PTPRT: variants seen among roughly 807,000 people sequenced by gnomAD.
PTPRT encodes receptor-type tyrosine-protein phosphatase T.
A neutral mutation model predicts 176.8 loss-of-function variants in PTPRT; 56 were observed. The ratio of observed to expected loss-of-function variants is 0.32; its 90% CI spans 0.26 to 0.40. The LOEUF is 0.40. PTPRT is among the 10% of genes least tolerant of loss of function. The probability of loss-of-function intolerance (pLI) is 1.00; values close to 1 mark genes in which losing one functional copy is unlikely to be tolerated. For missense variants in PTPRT, 1,540 were observed against 1,908.2 expected (o/e 0.81, Z 3.60); for synonymous variants, 783 against 739.0 (o/e 1.06, Z -0.96).
intron 7 of PTPRT, among the ~76,000 whole-genome samples, chr20:42,523,821 T>A (rs2072220901): frequency 6.6e-6 from 1 of 152,004 alleles, no homozygotes; most frequent in Non-Finnish European, 1.5e-5. Context: ...TATATCTGCA[T>A]CTTTTAGTTA....
chr20:42,561,982 CT>C (rs1468551340), intron 7 of PTPRT, among the ~76,000 whole-genome samples: 3 of 152,192 alleles, frequency 2.0e-5, no homozygotes, highest in Non-Finnish European at 4.4e-5. Context: ...TTATTCTCCC[CT>C]GGCTCCAGCG....
intron 7 of PTPRT, among the ~76,000 whole-genome samples, chr20:42,528,647 T>A (rs2072321710): frequency 6.6e-6 from 1 of 152,122 alleles, no homozygotes; most frequent in African/African-American, 2.4e-5. Context: ...AGCCTCAGGA[T>A]AACCAATGCT....
chr20:42,354,471 T>A (rs1330933256), intron 9 of PTPRT, among the ~76,000 whole-genome samples: 2 of 152,174 alleles, frequency 1.3e-5, no homozygotes, highest in African/African-American at 4.8e-5. Context: ...TACTCTATAT[T>A]CTATACCACA....
intron 9 of PTPRT, among the ~76,000 whole-genome samples, chr20:42,399,234 G>A (rs1156478161): frequency 1.3e-5 from 2 of 152,090 alleles, no homozygotes; most frequent in Non-Finnish European, 2.9e-5. Flanking sequence ...AAAGGGGCAT[G>A]GGCATGGGCA....
At chr20:42,342,503 G>A (rs8117309) in intron 11 of PTPRT, among the ~76,000 whole-genome samples, 1,551 of 152,280 alleles carry the variant, frequency 0.01, 25 homozygotes, top group African/African-American at 0.036. Context: ...CCAGAGAACT[G>A]GGGAACTAAG....
Position 43,018,277 on chromosome 20 carries a change from T to C in PTPRT, c.89-132345A>G, listed in dbSNP as rs560018854. ...AAGCAACCCAATAACTCTGTGTTCA[T>C]TTTTTGGAAAACAACGTTCAGAGTT... On this transcript the variant is annotated intron_variant, in intron 1 of 30. Coordinates refer to ENST00000373187, the MANE Select transcript of PTPRT (RefSeq NM_007050.6). Among the ~76,000 whole-genome samples, 4 of 152,312 alleles carry C rather than the reference T, an allele frequency of 2.6e-5. No homozygotes were observed. In the East Asian group the frequency reaches 5.8e-4, roughly 22 times the overall value.
At chr20:42,933,640 T>A (rs1278747843) in intron 1 of PTPRT, among the ~76,000 whole-genome samples, 3 of 152,232 alleles carry the variant, frequency 2.0e-5, no homozygotes, top group Non-Finnish European at 4.4e-5. Context: ...CTCTTTGAAT[T>A]TCCAAACGCT....
intron 7 of PTPRT, among the ~76,000 whole-genome samples, chr20:42,504,901 T>G (rs926256748): frequency 6.6e-6 from 1 of 152,206 alleles, no homozygotes; most frequent in African/African-American, 2.4e-5. Context: ...TACTAGGCTC[T>G]GCAGGTCAGT....
intron 1 of PTPRT, among the ~76,000 whole-genome samples, chr20:42,925,659 A>G (rs1036006048): frequency 1.3e-5 from 2 of 152,162 alleles, no homozygotes; most frequent in Admixed American, 1.3e-4. Context: ...GGGTGAATCA[A>G]AATCACCTGG....
At chr20:42,453,837 AT>A (rs11482073) in intron 8 of PTPRT, among the ~76,000 whole-genome samples, 334 of 140,956 alleles carry the variant, frequency 2.4e-3, no homozygotes, top group East Asian at 2.9e-3. Context: ...CGCCCGGCTA[AT>A]TTTTTTTTTT....
intron 13 of PTPRT, among the ~76,000 whole-genome samples, chr20:42,262,125 T>G (rs1261519326): frequency 6.6e-6 from 1 of 152,204 alleles, no homozygotes; most frequent in Non-Finnish European, 1.5e-5. Flanking sequence ...TCCAGCCAAA[T>G]CCACCATGAA....
intron 11 of PTPRT, among the ~76,000 whole-genome samples, chr20:42,319,848 C>T (rs1350263525): frequency 2.6e-5 from 4 of 152,172 alleles, no homozygotes; most frequent in Non-Finnish European, 4.4e-5. Context: ...TGAATGACCT[C>T]CCTTTTGGGG....
At chr20:43,062,143 G>T (rs1029889326) in intron 1 of PTPRT, among the ~76,000 whole-genome samples, 1 of 152,190 alleles carries the variant, frequency 6.6e-6, no homozygotes, top group Non-Finnish European at 1.5e-5. Flanking sequence ...TAATGAAAAT[G>T]TTCTATGCCT....
intron 1 of PTPRT, among the ~76,000 whole-genome samples, chr20:43,023,586 T>G (rs1379718025): frequency 1.3e-5 from 2 of 152,226 alleles, no homozygotes; most frequent in Non-Finnish European, 2.9e-5. Flanking sequence ...GCTGGTTACT[T>G]GGCATCTCCT....
chr20:42,119,899 C>T (rs1275676198), intron 20 of PTPRT, 36 bp downstream of exon 20: 1 of 1,584,786 alleles, frequency 6.3e-7, no homozygotes, highest in Non-Finnish European at 8.6e-7. Context: ...ACCCCTGAAG[C>T]CTCTCTGAGG....
chr20:42,907,533 C>A (rs931616388), intron 1 of PTPRT, among the ~76,000 whole-genome samples: 5 of 151,902 alleles, frequency 3.3e-5, no homozygotes, highest in East Asian at 3.9e-4. Context: ...CAAAATGCCA[C>A]GAATTTATAC....
chr20:42,369,644 A>C (rs189497708), intron 9 of PTPRT, among the ~76,000 whole-genome samples: 12,110 of 152,194 alleles, frequency 0.08, 491 homozygotes, highest in Middle Eastern at 0.14. Flanking sequence ...CATCCTTTGA[A>C]GTGGGTGACA....
At position 42,133,795 on chromosome 20, in the gene PTPRT, T is replaced by C. The variant is rs569209226; in HGVS notation, c.2771-4965A>G. 2.1e-3 allele frequency among the ~76,000 whole-genome samples: 325 copies of C among 152,244 alleles called. 1 individual carries two copies. The highest frequency in any genetic ancestry group is 3.8e-3 in the Non-Finnish European group (257 of 67,998). On this transcript the variant is annotated intron_variant, in intron 18 of 30. Transcript: ENST00000373187. ...CAGTATGTGGGTGGGAGGGAGTACA[T>C]GGGAATGAGGTACTTTCTGCTCAAC...
intron 1 of PTPRT, among the ~76,000 whole-genome samples, chr20:42,985,369 C>T (rs1482509392): frequency 6.6e-6 from 1 of 152,078 alleles, no homozygotes; most frequent in Admixed American, 6.5e-5. Flanking sequence ...GTGGCTCGTG[C>T]CTGTAATCCC....
Sources: allele counts gnomAD v4.1 joint callset (sites outside exome capture counted in the v4.1 genomes callset), GRCh38; gene constraint gnomAD v4.1.1; transcripts MANE v1.5; gene names NCBI Gene and HGNC (gene_info 2026-07-23, HGNC 2026-07-21).